LARP1B: variants seen among roughly 807,000 people sequenced by gnomAD.
The protein encoded by LARP1B is la-related protein 1B.
LARP1B carries 76 observed loss-of-function variants against 114.2 expected under a neutral mutation model. That is an observed-to-expected ratio of 0.67 (90% CI 0.55 to 0.81). LARP1B has a LOEUF of 0.81. LARP1B is among the 30% of genes least tolerant of loss of function. The probability of loss-of-function intolerance (pLI) is 0.00; values close to 1 mark genes in which losing one functional copy is unlikely to be tolerated. For missense variants in LARP1B, 1,014 were observed against 1,075.8 expected (o/e 0.94, Z 0.80); for synonymous variants, 345 against 348.0 (o/e 0.99, Z 0.10).
intron 6 of LARP1B, among the ~76,000 whole-genome samples, chr4:128,218,125 C>T (rs1387478218): frequency 8.5e-6 from 1 of 117,580 alleles, no homozygotes; most frequent in African/African-American, 3.3e-5. Context: ...CTACAAACCA[C>T]TGCTCAAGGA....
rs139921790 is a variant in LARP1B at position 128,145,101 on chromosome 4, G to A, written c.1525-17093G>A. On this transcript the variant is annotated intron_variant, in intron 11 of 19. Coordinates refer to ENST00000326639, the MANE Select transcript of LARP1B (RefSeq NM_018078.4). ...GATGTTGAGTTTTTTGTTTTATTGG[G>A]CGTTGTAGGCTACACTTGGAATTGT... Among the ~76,000 whole-genome samples, 49 of 152,198 alleles carry A rather than the reference G, an allele frequency of 3.2e-4. 1 individual carries two copies. The East Asian group carries it at 8.3e-3, about 26-fold the overall frequency.
At chr4:128,186,672 A>G (rs1750478488) in intron 15 of LARP1B, among the ~76,000 whole-genome samples, 2 of 152,162 alleles carry the variant, frequency 1.3e-5, no homozygotes. Flanking sequence ...ACTATGTTCA[A>G]TTAAAGTGGT....
rs1355732138 is a variant in LARP1B at position 128,160,020 on chromosome 4, G to A, written c.1525-2174G>A. The stretch of plus-strand genomic sequence containing the variant: ...AAACTTGCAGTGTATTCATATGGTA[G>A]GATAGAGCAAGGGTAGACAAATATA... On this transcript the variant is annotated intron_variant, in intron 11 of 19. Transcript: ENST00000326639. 2.0e-5 allele frequency among the ~76,000 whole-genome samples: 3 copies of A among 152,222 alleles called. No individual in the cohort carries two copies. In the East Asian group the frequency reaches 5.8e-4, roughly 29 times the overall value.
At chr4:128,087,203 G>A (rs573785358) in intron 5 of LARP1B, among the ~76,000 whole-genome samples, 3 of 152,188 alleles carry the variant, frequency 2.0e-5, no homozygotes, top group Middle Eastern at 3.4e-3. Flanking sequence ...TTACAGGTGC[G>A]ATCCACCGCA....
At chr4:128,143,265 A>C (rs1480319479) in intron 11 of LARP1B, among the ~76,000 whole-genome samples, 3 of 152,194 alleles carry the variant, frequency 2.0e-5, no homozygotes, top group Admixed American at 6.5e-5. Flanking sequence ...GTGACAGAGC[A>C]AGACTCCGTT....
At chr4:128,072,317 A>C (rs1765692402) in intron 1 of LARP1B, among the ~76,000 whole-genome samples, 1 of 152,116 alleles carries the variant, frequency 6.6e-6, no homozygotes. Flanking sequence ...TAACATTTTA[A>C]AGATAGTGAA....
chr4:128,207,179 C>A, intron 18 of LARP1B, 77 bp from the exon 19 acceptor site: 2 of 634,174 alleles, frequency 3.2e-6, no homozygotes, highest in Non-Finnish European at 4.7e-6. Context: ...TTGTTTATTG[C>A]TGATAGGATT....
intron 4 of LARP1B, among the ~76,000 whole-genome samples, chr4:128,079,737 T>C (rs569739035): frequency 2.0e-5 from 3 of 151,912 alleles, no homozygotes. Context: ...CTAATTTTTG[T>C]ATTTTTTTGT....
At chr4:128,221,953 C>A (rs191562904) in intron 7 of LARP1B, among the ~76,000 whole-genome samples, 10 of 152,308 alleles carry the variant, frequency 6.6e-5, no homozygotes, top group Admixed American at 2.6e-4. Context: ...GTACAGTAAG[C>A]ACTTAGTAAA....
intron 7 of LARP1B, among the ~76,000 whole-genome samples, chr4:128,094,394 CTTTTTCTTTTTT>C (rs1231863714): frequency 7.0e-6 from 1 of 142,510 alleles, no homozygotes. Context: ...TTTTCTTTTT[CTTTTTCTTTTTT>C]TTTTTTTTTT....
At chr4:128,073,602 T>TG (rs1766559162) in intron 1 of LARP1B, among the ~76,000 whole-genome samples, 1 of 102,940 alleles carries the variant, frequency 9.7e-6, no homozygotes, top group Non-Finnish European at 1.9e-5. Flanking sequence ...TTTTTTTTTT[T>TG]TTTTTTTGGA....
chr4:128,115,182 C>A (rs942640811), intron 10 of LARP1B, among the ~76,000 whole-genome samples: 1 of 152,116 alleles, frequency 6.6e-6, no homozygotes, highest in African/African-American at 2.4e-5. Flanking sequence ...ATGATCCGCC[C>A]GCCTCGTCCT....
In LARP1B at chr4:128,179,429, G is replaced by A; in HGVS notation, c.1920G>A (p.Arg640=). Reference sequence around the variant, plus strand: ...AGAGTCCAAGAAAGAGAAAAACAAGGCATAGCACAAATCCCCCTCTAGAGT... The same window carrying A: ...AGAGTCCAAGAAAGAGAAAAACAAGACATAGCACAAATCCCCCTCTAGAGT... ...DVKSPRKRKT[R]HSTNPPLECH... Residue 640 remains arginine (R), a synonymous_variant, in exon 15 of 20, where the codon AGG becomes AGA. Coordinates refer to ENST00000326639, the MANE Select transcript of LARP1B (RefSeq NM_018078.4). 6.2e-7 allele frequency: 1 copy of A among 1,609,486 alleles called. No homozygotes were observed. Among genetic ancestry groups the A allele is most frequent in the Non-Finnish European group, 8.5e-7 (1 of 1,178,188 alleles).
intron 11 of LARP1B, among the ~76,000 whole-genome samples, chr4:128,161,756 A>G (rs909577950): frequency 1.3e-5 from 2 of 152,080 alleles, no homozygotes; most frequent in Non-Finnish European, 2.9e-5. Context: ...TGGCTTCCTG[A>G]TGATCGTAAT....
At position 128,091,396 on chromosome 4, in the gene LARP1B, T is replaced by C; in HGVS notation, c.552T>C (p.Asp184=). The change falls in exon 7 of 20, where the codon GAT becomes GAC. Residue 184 remains aspartate, a synonymous_variant. Transcript: ENST00000326639. ...YGYQEHGERT[D]QPFQTELNTS... ...ATCAAGAACATGGTGAAAGGACTGA[T>C]CAACCATTTCAAACAGAACTTAATA... 1 of 1,612,820 alleles carries C rather than the reference T, an allele frequency of 6.2e-7. No homozygotes were observed. The highest frequency in any genetic ancestry group is 1.1e-5 in the South Asian group (1 of 91,024).
intron 7 of LARP1B, among the ~76,000 whole-genome samples, chr4:128,094,797 G>A (rs914891398): frequency 1.3e-5 from 2 of 151,770 alleles, no homozygotes; most frequent in African/African-American, 4.8e-5. Flanking sequence ...TGTCACCCAG[G>A]CTGCAGTGCA....
chr4:128,194,743 G>A (rs940320007), intron 15 of LARP1B, among the ~76,000 whole-genome samples: 8 of 147,244 alleles, frequency 5.4e-5, no homozygotes, highest in South Asian at 2.2e-4. Context: ...GGCGCTCACT[G>A]GTAATCCCAA....
intron 17 of LARP1B, among the ~76,000 whole-genome samples, chr4:128,204,884 A>C (rs1365988337): frequency 6.8e-6 from 1 of 147,276 alleles, no homozygotes; most frequent in African/African-American, 2.5e-5. Flanking sequence ...AAAGATCCTG[A>C]TTCCATTGGT....
At chr4:128,214,629 G>A (rs1400548036), downstream of LARP1B, among the ~76,000 whole-genome samples, 4 of 130,254 alleles carry the variant, frequency 3.1e-5, no homozygotes, top group Admixed American at 8.0e-5. Context: ...CATCTACACC[G>A]AAAACCCATC....
Sources: allele counts gnomAD v4.1 joint callset (sites outside exome capture counted in the v4.1 genomes callset), GRCh38; gene constraint gnomAD v4.1.1; transcripts MANE v1.5; gene names NCBI Gene and HGNC (gene_info 2026-07-23, HGNC 2026-07-21).